The following MLH3 variants were observed in gnomAD, a reference collection of about 807,000 sequenced individuals.
MLH3 encodes mutL homolog 3.
A neutral mutation model predicts 122.2 loss-of-function variants in MLH3; 82 were observed. The ratio of observed to expected loss-of-function variants is 0.67; its 90% confidence interval spans 0.56 to 0.81. The LOEUF (loss-of-function observed/expected upper bound fraction) is 0.81, where lower values mean the gene tolerates loss of function less well. Ranked by LOEUF, MLH3 falls within the 30% of genes least tolerant of loss-of-function variation. The pLI, the probability that MLH3 is intolerant of heterozygous loss-of-function variation, is 0.00. For synonymous variants in MLH3, 524 were observed against 599.5 expected (o/e 0.87, Z 1.84); for missense variants, 1,539 against 1,714.5 (o/e 0.90, Z 1.81).
chr14:75,026,387 A>G (rs962714118), intron 9 of MLH3, among the ~76,000 whole-genome samples: 28 of 152,252 alleles, frequency 1.8e-4, no homozygotes, highest in Non-Finnish European at 3.7e-4. Context: ...TAAAAAACTC[A>G]GTGGATAAGC....
At chr14:75,026,398 T>C (rs1890631262) in intron 9 of MLH3, among the ~76,000 whole-genome samples, 1 of 152,118 alleles carries the variant, frequency 6.6e-6, no homozygotes, top group Non-Finnish European at 1.5e-5. Flanking sequence ...GTGGATAAGC[T>C]AAACACATAA....
In MLH3 at chr14:75,047,152, T is replaced by C; in HGVS notation, c.2504A>G (p.Asp835Gly). The part of the protein sequence containing the change: ...LNSEKFPFSK[D>G]EDCLEQQMPS... ...CATCTGTTGTTCTAAACAATCTTCA[T>C]CCTTGGAGAATGGAAACTTCTCTGA... Residue 835 changes from aspartate to glycine, a missense_variant, in exon 2 of 13, where the codon GAT becomes GGT. Transcript: ENST00000355774. 6.2e-7 allele frequency: 1 copy of C among 1,614,204 alleles called. No individual in the cohort carries two copies. Among genetic ancestry groups the C allele is most frequent in the Non-Finnish European group, 8.5e-7 (1 of 1,180,014 alleles).
intron 7 of MLH3, 56 bp downstream of exon 7, chr14:75,033,363 G>A: frequency 7.5e-7 from 1 of 1,338,112 alleles, no homozygotes; most frequent in Non-Finnish European, 1.1e-6. Flanking sequence ...GCTCTTTGAG[G>A]TGTACTGATT....
In MLH3 at chr14:75,046,358, T is replaced by A; in HGVS notation, c.3280+18A>T. The A allele has an allele frequency of 6.2e-7, 1 of 1,613,726 alleles. No homozygotes were observed. The highest frequency in any genetic ancestry group is 2.2e-5 in the East Asian group (1 of 44,884). Reference sequence around the variant, plus strand: ...CATCTTCAAAAGCATCTCATGCACATGAATACTACGTACTTACCATTCTCA... The same window carrying A: ...CATCTTCAAAAGCATCTCATGCACAAGAATACTACGTACTTACCATTCTCA... On this transcript the variant is annotated intron_variant, in intron 2 of 12. Transcript: ENST00000355774.
At position 75,018,879 on chromosome 14, in the gene MLH3, G is replaced by T. The variant is rs1364994373; in HGVS notation, c.4192C>A (p.Pro1398Thr). 6.2e-7 allele frequency: 1 copy of T among 1,614,120 alleles called. No homozygotes were observed. Among genetic ancestry groups the T allele is most frequent in the Admixed American group, 1.7e-5 (1 of 60,016 alleles). Residue 1398 changes from proline (P) to threonine (T), a missense_variant, in exon 12 of 13, where the codon CCT becomes ACT. Transcript: ENST00000355774. ...QLPFQCAHGRPSMLPLADIDH... is the reference protein window; with the variant it reads ...QLPFQCAHGRTSMLPLADIDH... Reference sequence around the variant, plus strand: ...ATGTCAGCTAACGGCAGCATAGAAGGTCTCCCGTGAGCACACTGGAATGGC... The same window carrying T: ...ATGTCAGCTAACGGCAGCATAGAAGTTCTCCCGTGAGCACACTGGAATGGC...
intron 2 of MLH3, among the ~76,000 whole-genome samples, chr14:75,043,021 C>T (rs527817828): frequency 6.6e-6 from 1 of 152,166 alleles, no homozygotes; most frequent in Non-Finnish European, 1.5e-5. Flanking sequence ...TGTGATCCAC[C>T]CGCCTCGGCC....
intron 9 of MLH3, among the ~76,000 whole-genome samples, chr14:75,028,416 ATTT>A (rs34129769): frequency 1.1e-4 from 14 of 128,130 alleles, no homozygotes; most frequent in Non-Finnish European, 1.8e-4. Context: ...TTTCCCCCCA[ATTT>A]TTTTTTTTTT....
At chr14:75,038,463 G>T (rs766538999) in intron 5 of MLH3, 51 bp from the exon 6 acceptor site, 3 of 1,150,708 alleles carry the variant, frequency 2.6e-6, no homozygotes, top group Non-Finnish European at 4.0e-6. Flanking sequence ...ATTAACAAAG[G>T]CTTATTTGCA....
chr14:75,033,271 C>T, intron 7 of MLH3, 148 bp downstream of exon 7: 1 of 712,052 alleles, frequency 1.4e-6, no homozygotes, highest in Non-Finnish European at 2.5e-6. Flanking sequence ...AATTATAACA[C>T]AGGCCAAACT....
rs147108641 is a variant in MLH3 at position 75,020,423 on chromosome 14, CTAAG to C, written c.4091-1447_4091-1444del. Reference sequence around the variant, plus strand: ...AGGGAGCCAGAGTGGATGTGAAGAACTAAGTAAGAGAGCTCAACAGTGGCAAAAA... The same window carrying C: ...AGGGAGCCAGAGTGGATGTGAAGAACTAAGAGAGCTCAACAGTGGCAAAAA... On this transcript the variant is annotated intron_variant, in intron 11 of 12. Coordinates refer to ENST00000355774, the MANE Select transcript of MLH3 (RefSeq NM_001040108.2). 7.8e-3 allele frequency among the ~76,000 whole-genome samples: 1,192 copies of C among 152,230 alleles called. 18 individuals carry two copies. Among genetic ancestry groups the C allele is most frequent in the African/African-American group, 0.028 (1,153 of 41,520 alleles).
Position 75,040,449 on chromosome 14 carries a change from C to CAAAAAAAA in MLH3, c.3466-442_3466-435dup, listed in dbSNP as rs36233766. On this transcript the variant is annotated intron_variant, in intron 4 of 12. Transcript: ENST00000355774. ...TGGGCGACACAGCAAGACTCTGTCACAAAAAAAAAAAAAAAAAAAAAAAAA... is the reference window on the plus strand; with the variant it reads ...TGGGCGACACAGCAAGACTCTGTCACAAAAAAAAAAAAAAAAAAAAAAAAAAAAAAAAA... Among the ~76,000 whole-genome samples, 60 of 35,614 alleles carry CAAAAAAAA rather than the reference C, an allele frequency of 1.7e-3. 2 individuals carry two copies. The highest frequency in any genetic ancestry group is 2.3e-3 in the Non-Finnish European group (46 of 20,006). The allele number at this position is 35,614 out of a possible 152,430, so 23.4% of individuals were successfully genotyped here.
At chr14:75,050,735 G>C (rs910082024) in intron 1 of MLH3, 5 of 152,218 alleles carry the variant, frequency 3.3e-5, no homozygotes, top group African/African-American at 1.2e-4. Context: ...GGTCTTTACA[G>C]ATGGGCATAA....
intron 2 of MLH3, among the ~76,000 whole-genome samples, chr14:75,044,387 C>T (rs1595079359): frequency 6.6e-6 from 1 of 152,168 alleles, no homozygotes; most frequent in Admixed American, 6.5e-5. Context: ...AATATGGCAG[C>T]TAAGATTTCC....
intron 9 of MLH3, among the ~76,000 whole-genome samples, chr14:75,027,283 G>A (rs1890690292): frequency 6.7e-6 from 1 of 149,826 alleles, no homozygotes; most frequent in Non-Finnish European, 1.5e-5. Context: ...TTTTGAGACA[G>A]AGTTTCACTC....
At position 75,051,380 on chromosome 14, in the gene MLH3, C is replaced by T. The variant is rs941079832; in HGVS notation, c.-64G>A. 4.6e-5 allele frequency: 7 copies of T among 152,446 alleles called. No individual in the cohort carries two copies. Among genetic ancestry groups the T allele is most frequent in the East Asian group, 1.9e-4 (1 of 5,184 alleles). The allele number at this position is 152,446 out of a possible 1,614,324, so 9.4% of individuals were successfully genotyped here. A position where few individuals can be genotyped will look rare whatever the true frequency, so the allele number is the denominator to read the frequency against. On this transcript the variant is annotated splice_region_variant and 5_prime_UTR_variant, in exon 1 of 13. Coordinates refer to ENST00000355774, the MANE Select transcript of MLH3 (RefSeq NM_001040108.2). ...CGTCGCGTGCTTCCCCCAGAGTCACCTGGAGTCCCGCTTAACAAATTCTCC... is the reference window on the plus strand; with the variant it reads ...CGTCGCGTGCTTCCCCCAGAGTCACTTGGAGTCCCGCTTAACAAATTCTCC...
chr14:75,048,382 G>T lies in MLH3; in HGVS notation c.1274C>A (p.Ser425Tyr). 1.9e-6 allele frequency: 3 copies of T among 1,612,098 alleles called. No homozygotes were observed. The South Asian group carries it at 3.3e-5, about 18-fold the overall frequency. The change falls in exon 2 of 13, where the codon TCT becomes TAT. Residue 425 changes from serine to tyrosine, a missense_variant. Physicochemically the swap from Ser to Tyr is moderately radical, Grantham distance 144 (BLOSUM62 -2). Transcript: ENST00000355774. ...TTAENVNTQS[S>Y]RDSEATRKNT... ...TTTTCTGGTAGCTTCTGAATCCCTA[G>T]AACTCTGTGTGTTTACGTTTTCTGC...
At chr14:75,025,261 T>C (rs1277713607) in intron 9 of MLH3, among the ~76,000 whole-genome samples, 3 of 152,150 alleles carry the variant, frequency 2.0e-5, no homozygotes, top group Admixed American at 1.3e-4. Flanking sequence ...TTAGCTTCAC[T>C]TCCTCCTGCT....
At position 75,046,828 on chromosome 14, in the gene MLH3, T is replaced by C; in HGVS notation, c.2828A>G (p.Gln943Arg). 7.4e-6 allele frequency: 12 copies of C among 1,614,162 alleles called. 1 individual carries two copies. The highest frequency in any genetic ancestry group is 2.2e-5 in the South Asian group (2 of 91,090). Residue 943 changes from glutamine (Q) to arginine (R), a missense_variant, in exon 2 of 13, where the codon CAG (glutamine) becomes CGG (arginine). Gln to Arg is a conservative substitution (Grantham distance 43). Coordinates refer to ENST00000355774, the MANE Select transcript of MLH3 (RefSeq NM_001040108.2). ...ACTATTTTTATTAAAGGAATTATCCTGTGTGGCAGAATCTGATGTTGGGAT... is the reference window on the plus strand; with the variant it reads ...ACTATTTTTATTAAAGGAATTATCCCGTGTGGCAGAATCTGATGTTGGGAT... ...GVIPTSDSAT[Q>R]DNSFNKNSKT... is the part of the protein sequence containing the mutation.
At chr14:75,024,540 C>T (rs905847581) in intron 9 of MLH3, among the ~76,000 whole-genome samples, 4 of 146,946 alleles carry the variant, frequency 2.7e-5, no homozygotes, top group Admixed American at 6.8e-5. Context: ...GACGTAGTCT[C>T]GTTGTTGCCC....
Sources: gnomAD v4.1 joint callset for allele counts (sites outside exome capture counted in the v4.1 genomes callset) on GRCh38, gnomAD v4.1.1 for gene constraint, MANE v1.5 for transcripts, NCBI Gene and HGNC (gene_info 2026-07-23, HGNC 2026-07-21) for gene names.